Variants in HBP1 observed in about 807,000 individuals in gnomAD.
HBP1 encodes the protein HMG box-containing protein 1.
HBP1 carries 20 observed loss-of-function variants against 62.6 expected under a neutral mutation model. That is an observed-to-expected ratio of 0.32 (90% confidence interval 0.22 to 0.46). The LOEUF (loss-of-function observed/expected upper bound fraction) is 0.46, where lower values mean the gene tolerates loss of function less well. Ranked by LOEUF, HBP1 falls within the 20% of genes least tolerant of loss-of-function variation. The pLI, the probability that HBP1 is intolerant of heterozygous loss-of-function variation, is 1.00. For synonymous variants in HBP1, 232 were observed against 206.2 expected, an observed-to-expected ratio of 1.12 and a Z score of -1.07; for missense variants, 480 against 611.8, an observed-to-expected ratio of 0.78 and a Z score of 2.27.
At chr7:107,182,274 A>G in intron 2 of HBP1, 99 bp from the exon 3 acceptor site, 1 of 654,992 alleles carries the variant, frequency 1.5e-6, no homozygotes, top group Non-Finnish European at 2.7e-6. Flanking sequence ...CTCAAAATTA[A>G]TTAGCTAAAA....
At chr7:107,171,951 C>T (rs1189945657) in intron 1 of HBP1, among the ~76,000 whole-genome samples, 1 of 146,766 alleles carries the variant, frequency 6.8e-6, no homozygotes, top group African/African-American at 2.5e-5. Flanking sequence ...AAATAAATCA[C>T]AATGAATTAA....
At chr7:107,200,027 CTTTT>C (rs1798152203) in intron 9 of HBP1, 129 bp from the exon 10 acceptor site, 1 of 649,240 alleles carries the variant, frequency 1.5e-6, no homozygotes, top group African/African-American at 1.9e-5. Flanking sequence ...TGGCCTTGAC[CTTTT>C]CCCATCTCTG....
At chr7:107,199,100 T>C (rs918062883) in intron 9 of HBP1, among the ~76,000 whole-genome samples, 3 of 151,742 alleles carry the variant, frequency 2.0e-5, no homozygotes, top group Non-Finnish European at 4.4e-5. Flanking sequence ...TATTATTTAT[T>C]TTTGAGACAG....
At chr7:107,180,570 G>C (rs976646050) in intron 2 of HBP1, among the ~76,000 whole-genome samples, 4 of 152,196 alleles carry the variant, frequency 2.6e-5, no homozygotes, top group Admixed American at 6.5e-5. Flanking sequence ...CTGGTGTTCA[G>C]GAGTATGGAG....
chr7:107,186,411 T>C lies in HBP1; in HGVS notation c.591T>C (p.Asp197=). ...TTTTCTGCATGTCCTCCCTGTCAGA[T>C]GATGATGATTTGGGATGGTGCAATT... ...SGIFCMSSLS[D]DDDLGWCNSW... is the part of the protein sequence containing the mutation. The change falls in exon 5 of 11, where the codon GAT becomes GAC. Residue 197 remains aspartate (D), a synonymous_variant. Coordinates refer to ENST00000222574, the MANE Select transcript of HBP1 (RefSeq NM_012257.4). 1 of 1,612,582 alleles carries C rather than the reference T, an allele frequency of 6.2e-7. No individual in the cohort carries two copies. The highest frequency in any genetic ancestry group is 8.5e-7 in the Non-Finnish European group (1 of 1,178,694).
intron 1 of HBP1, among the ~76,000 whole-genome samples, chr7:107,176,700 A>ATTT (rs10713097): frequency 1.5e-5 from 2 of 129,942 alleles, no homozygotes; most frequent in Non-Finnish European, 3.2e-5. Flanking sequence ...AATTTGCTCC[A>ATTT]TTTTTTTTTT....
chr7:107,195,247 C>T (rs1190223943), intron 8 of HBP1, among the ~76,000 whole-genome samples: 1 of 152,194 alleles, frequency 6.6e-6, no homozygotes, highest in East Asian at 1.9e-4. Context: ...GTCTTAAACT[C>T]CTGACCTCAG....
chr7:107,170,049 C>T (rs1319956765), intron 1 of HBP1: 3 of 985,112 alleles, frequency 3.0e-6, no homozygotes, highest in African/African-American at 1.7e-5. Flanking sequence ...GTGTTTCACT[C>T]TCCGCTGTGC....
In HBP1 at chr7:107,195,064, G is replaced by A. The variant is rs139791995; in HGVS notation, c.1068-770G>A. On this transcript the variant is annotated intron_variant, in intron 8 of 10. Coordinates refer to ENST00000222574, the MANE Select transcript of HBP1 (RefSeq NM_012257.4). ...ATTTGTTTTTTATTTTTTTTGAGACGGAGTCTCACTCTGTTGCCCAGTTGG... is the reference window on the plus strand; with the variant it reads ...ATTTGTTTTTTATTTTTTTTGAGACAGAGTCTCACTCTGTTGCCCAGTTGG... Among the ~76,000 whole-genome samples, 679 of 152,076 alleles carry A rather than the reference G, an allele frequency of 4.5e-3. 5 individuals are homozygous for A. The highest frequency in any genetic ancestry group is 0.016 in the African/African-American group (646 of 41,482).
In HBP1 at chr7:107,186,654, G is replaced by A; in HGVS notation, c.738G>A (p.Glu246=). Residue 246 remains glutamate, a synonymous_variant, in exon 6 of 11, where the codon GAG becomes GAA. Transcript: ENST00000222574. ...DFARAEGCDN[E]EDLQMGIHKG... The stretch of plus-strand genomic sequence containing the variant: ...CTAGAGCTGAAGGCTGTGATAATGA[G>A]GAAGATCTTCAAATGGGCATTCACA... The A allele has an allele frequency of 1.2e-6, 2 of 1,607,692 alleles. No individual in the cohort carries two copies. Among genetic ancestry groups the A allele is most frequent in the African/African-American group, 2.7e-5 (2 of 74,778 alleles).
chr7:107,194,152 G>A (rs1273562934), intron 8 of HBP1, among the ~76,000 whole-genome samples: 1 of 152,180 alleles, frequency 6.6e-6, no homozygotes, highest in Non-Finnish European at 1.5e-5. Context: ...CATTACTGCT[G>A]CAGTAATGTT....
Position 107,201,414 on chromosome 7 carries a change from G to T in HBP1, c.1528G>T (p.Gly510Cys). Residue 510 changes from glycine to cysteine, a missense_variant and splice_region_variant, in exon 11 of 11, where the codon GGC becomes TGC. This residue lies in a region of HBP1 where 52 missense variants were observed against 96.0 expected (regional missense o/e 0.54). Transcript: ENST00000222574. ...ACTGAGTTTAATTTTATTTCCACAGGGCTCACAACAACATTAAACCAGGAT... is the reference window on the plus strand; with the variant it reads ...ACTGAGTTTAATTTTATTTCCACAGTGCTCACAACAACATTAAACCAGGAT... The part of the protein sequence containing the change: ...DCWKRKRTNS[G>C]SQQH The T allele has an allele frequency of 1.3e-6, 2 of 1,570,500 alleles. No individual in the cohort carries two copies. Among genetic ancestry groups the T allele is most frequent in the South Asian group, 1.1e-5 (1 of 89,542 alleles).
At chr7:107,190,010 A>G in intron 7 of HBP1, 163 bp from the exon 8 acceptor site, 3 of 520,094 alleles carry the variant, frequency 5.8e-6, no homozygotes, top group Non-Finnish European at 6.7e-6. Context: ...GAAAGGAAAT[A>G]CTTATCTAGT....
chr7:107,201,488 AAG>A lies in HBP1; in HGVS notation c.*59_*60del. On this transcript the variant is annotated 3_prime_UTR_variant, in exon 11 of 11. Transcript: ENST00000222574. ...TGCATATACATTGACTCTTGATGGAAAGACTTAAGAAGATCAAGGTCTCACCA... is the reference window on the plus strand; with the variant it reads ...TGCATATACATTGACTCTTGATGGAAACTTAAGAAGATCAAGGTCTCACCA... 1 of 1,059,330 alleles carries A rather than the reference AAG, an allele frequency of 9.4e-7. No individual in the cohort carries two copies. The highest frequency in any genetic ancestry group is 1.5e-6 in the Non-Finnish European group (1 of 685,408). The allele number at this position is 1,059,330 out of a possible 1,614,324, so 65.6% of individuals were successfully genotyped here.
chr7:107,173,276 A>T (rs1268049365), intron 1 of HBP1, among the ~76,000 whole-genome samples: 3 of 152,234 alleles, frequency 2.0e-5, no homozygotes, highest in Non-Finnish European at 2.9e-5. Context: ...TTTGAAAACA[A>T]TTTGAGCGTG....
At chr7:107,180,410 T>C (rs1797055230) in intron 2 of HBP1, among the ~76,000 whole-genome samples, 1 of 152,230 alleles carries the variant, frequency 6.6e-6, no homozygotes, top group Non-Finnish European at 1.5e-5. Context: ...GCAGATTTGC[T>C]GGTATGATGT....
intron 10 of HBP1, 21 bp from the exon 11 acceptor site, chr7:107,201,393 A>G: frequency 6.6e-7 from 1 of 1,520,200 alleles, no homozygotes; most frequent in Non-Finnish European, 9.1e-7. Flanking sequence ...ACATTCACTG[A>G]GTTTAATTTT....
In HBP1 at chr7:107,196,043, T is replaced by A. The variant is rs1408889279; in HGVS notation, c.1277T>A (p.Val426Glu). The change falls in exon 9 of 11, where the codon GTG becomes GAG. Residue 426 changes from valine to glutamate, a missense_variant. Physicochemically the swap from Val to Glu is moderately radical, Grantham distance 121. Transcript: ENST00000222574. ...KAVKNHSSGT[V>E]SATSPNKCKR... ...GTCAAAAACCACAGCTCAGGGACTG[T>A]GAGTGCCACTTCTCCTAATAAGTGC... 6.2e-7 allele frequency: 1 copy of A among 1,613,808 alleles called. No individual in the cohort carries two copies. The highest frequency in any genetic ancestry group is 8.5e-7 in the Non-Finnish European group (1 of 1,179,676).
At chr7:107,179,729 G>A (rs1324068108) in intron 1 of HBP1, 150 bp from the exon 2 acceptor site, 1 of 441,472 alleles carries the variant, frequency 2.3e-6, no homozygotes, top group Non-Finnish European at 4.1e-6. Flanking sequence ...CCGAGATCAC[G>A]CCACTGCACT....
Sources: allele counts gnomAD v4.1 joint callset (sites outside exome capture counted in the v4.1 genomes callset), GRCh38; gene constraint gnomAD v4.1.1; regional missense constraint gnomAD v4.1.1; transcripts MANE v1.5; gene names NCBI Gene and HGNC (gene_info 2026-07-23, HGNC 2026-07-21).